AQP9: variants seen among roughly 807,000 people sequenced by gnomAD.
AQP9 encodes the protein aquaporin-9.
Under a neutral mutation model 23.8 loss-of-function variants are expected in AQP9, and 19 were observed. The ratio of observed to expected loss-of-function variants is 0.80; its 90% CI spans 0.56 to 1.17. The LOEUF is 1.17. AQP9 is among the 50% of genes most tolerant of loss of function. AQP9 has a pLI of 0.00. For synonymous variants in AQP9, 153 were observed against 131.5 expected, an observed-to-expected ratio of 1.16 and a Z score of -1.12; for missense variants, 413 against 362.0, an observed-to-expected ratio of 1.14 and a Z score of -1.14.
At chr15:58,165,290 C>T (rs913572851) in intron 1 of AQP9, among the ~76,000 whole-genome samples, 1 of 152,128 alleles carries the variant, frequency 6.6e-6, no homozygotes, top group Non-Finnish European at 1.5e-5. Flanking sequence ...AAGAACCGTC[C>T]TTCACCAAGT....
At position 58,175,002 on chromosome 15, in the gene AQP9, C is replaced by T. The variant is rs145164884; in HGVS notation, c.461C>T (p.Pro154Leu). The T allele has an allele frequency of 6.7e-5, 108 of 1,614,114 alleles. No homozygotes were observed. The highest frequency in any genetic ancestry group is 3.3e-4 in the Middle Eastern group (2 of 6,062). Residue 154 changes from proline (P) to leucine (L), a missense_variant, in exon 4 of 6, where the codon CCG becomes CTG. Physicochemically the swap from Pro to Leu is moderately conservative, Grantham distance 98. Coordinates refer to ENST00000219919, the MANE Select transcript of AQP9 (RefSeq NM_020980.5). ...TAHIFATYPA[P>L]YLSLANAFAD... ...CACATTTTTGCAACATACCCAGCTCCGTATCTATCTCTGGCGAACGCATTT... is the reference window on the plus strand; with the variant it reads ...CACATTTTTGCAACATACCCAGCTCTGTATCTATCTCTGGCGAACGCATTT...
intron 2 of AQP9, among the ~76,000 whole-genome samples, chr15:58,170,187 G>C (rs1381651622): frequency 6.6e-6 from 1 of 152,082 alleles, no homozygotes; most frequent in African/African-American, 2.4e-5. Context: ...CATCTCTGCG[G>C]GGAGAAATTT....
chr15:58,144,171 CT>C (rs1474785513), intron 1 of AQP9, among the ~76,000 whole-genome samples: 2 of 151,922 alleles, frequency 1.3e-5, no homozygotes, highest in African/African-American at 4.9e-5. Context: ...GGATACTTTA[CT>C]TTTTCTTAAT....
At chr15:58,163,561 T>A (rs182574699) in intron 1 of AQP9, among the ~76,000 whole-genome samples, 1 of 152,226 alleles carries the variant, frequency 6.6e-6, no homozygotes, top group Admixed American at 6.5e-5. Flanking sequence ...ACAGTTGAAC[T>A]TCAGGGGAGA....
intron 1 of AQP9, among the ~76,000 whole-genome samples, chr15:58,157,349 C>T (rs1391806540): frequency 6.6e-6 from 1 of 152,120 alleles, no homozygotes; most frequent in African/African-American, 2.4e-5. Flanking sequence ...TTTGAAAGAA[C>T]AATAATGAAT....
At chr15:58,177,376 A>G (rs1853639377) in intron 4 of AQP9, among the ~76,000 whole-genome samples, 1 of 152,212 alleles carries the variant, frequency 6.6e-6, no homozygotes, top group Non-Finnish European at 1.5e-5. Context: ...AGTGACAGGG[A>G]CACTGATACA....
chr15:58,183,904 C>G (rs546633244), intron 5 of AQP9, 57 bp from the exon 6 acceptor site: 1 of 1,569,924 alleles, frequency 6.4e-7, no homozygotes, highest in Non-Finnish European at 8.7e-7. Context: ...AAAAACTAGA[C>G]AGTAATACCA....
At chr15:58,183,885 A>T in intron 5 of AQP9, 76 bp from the exon 6 acceptor site, 2 of 1,468,476 alleles carry the variant, frequency 1.4e-6, no homozygotes, top group Non-Finnish European at 1.9e-6. Context: ...AAAGACTAAC[A>T]AGTGAGTGAA....
chr15:58,153,495 A>C (rs1383224137), intron 1 of AQP9: 1 of 152,202 alleles, frequency 6.6e-6, no homozygotes, highest in Non-Finnish European at 1.5e-5. Context: ...ATCAAAAAAA[A>C]AATCGTAGCA....
In AQP9 at chr15:58,185,151, C is replaced by T. The variant is rs1427119077; in HGVS notation, c.*1016C>T. ...TTCACACCCATTATCTAATTTAATC[C>T]TCATAATGACTATGTGAGGCAAATG... On this transcript the variant is annotated 3_prime_UTR_variant, in exon 6 of 6. Coordinates refer to ENST00000219919, the MANE Select transcript of AQP9 (RefSeq NM_020980.5). 6.6e-6 allele frequency: 1 copy of T among 151,988 alleles called. No homozygotes were observed. Among genetic ancestry groups the T allele is most frequent in the Non-Finnish European group, 1.5e-5 (1 of 68,008 alleles). 9.4% of individuals were successfully genotyped at this position (151,988 alleles called of 1,614,324 possible).
At chr15:58,157,509 G>A (rs960317071) in intron 1 of AQP9, among the ~76,000 whole-genome samples, 11 of 152,164 alleles carry the variant, frequency 7.2e-5, no homozygotes, top group Non-Finnish European at 1.6e-4. Flanking sequence ...GCCCCCAAAT[G>A]CTGACCAGTG....
chr15:58,171,969 T>C (rs1382101384), intron 2 of AQP9, among the ~76,000 whole-genome samples: 2 of 152,252 alleles, frequency 1.3e-5, no homozygotes, highest in Non-Finnish European at 2.9e-5. Flanking sequence ...ATGTCATCTG[T>C]ATTCCTCAAA....
chr15:58,145,280 A>T (rs1055140476), intron 1 of AQP9, among the ~76,000 whole-genome samples: 1 of 151,924 alleles, frequency 6.6e-6, no homozygotes, highest in African/African-American at 2.4e-5. Context: ...AGGCAGGTGG[A>T]TCACCTAAGG....
chr15:58,155,877 T>C (rs1412681190), intron 1 of AQP9: 1 of 152,210 alleles, frequency 6.6e-6, no homozygotes, highest in Non-Finnish European at 1.5e-5. Flanking sequence ...GTTATTTCTA[T>C]ACCTCACATG....
chr15:58,139,424 A>G (rs907471549), intron 1 of AQP9, among the ~76,000 whole-genome samples: 3 of 152,156 alleles, frequency 2.0e-5, no homozygotes, highest in Non-Finnish European at 1.5e-5. Context: ...CTGGGCTTTC[A>G]TTTTGCTGCA....
At chr15:58,181,404 G>T (rs775027965) in intron 5 of AQP9, among the ~76,000 whole-genome samples, 10 of 152,236 alleles carry the variant, frequency 6.6e-5, no homozygotes, top group Non-Finnish European at 1.3e-4. Context: ...TGCCATTAAA[G>T]AGATTTGACT....
intron 1 of AQP9, among the ~76,000 whole-genome samples, chr15:58,145,765 T>C (rs181359488): frequency 6.6e-6 from 1 of 152,352 alleles, no homozygotes; most frequent in African/African-American, 2.4e-5. Flanking sequence ...TACTTTCTCT[T>C]GGGTTCTGTC....
At chr15:58,147,243 C>A (rs1392240466) in intron 1 of AQP9, among the ~76,000 whole-genome samples, 8 of 151,842 alleles carry the variant, frequency 5.3e-5, no homozygotes, top group African/African-American at 1.9e-4. Flanking sequence ...TGGGTTTCGT[C>A]AGTTTTTCTT....
chr15:58,171,375 C>G (rs1479867567), intron 2 of AQP9, among the ~76,000 whole-genome samples: 1 of 152,174 alleles, frequency 6.6e-6, no homozygotes, highest in African/African-American at 2.4e-5. Flanking sequence ...GCATGAGCCA[C>G]TGCACCTGGC....
Sources: gnomAD v4.1 joint callset for allele counts (sites outside exome capture counted in the v4.1 genomes callset) on GRCh38, gnomAD v4.1.1 for gene constraint, MANE v1.5 for transcripts, NCBI Gene and HGNC (gene_info 2026-07-23, HGNC 2026-07-21) for gene names.